The following MPP2 variants were observed in gnomAD, a reference collection of about 807,000 sequenced individuals.
MPP2 encodes the protein MAGUK p55 subfamily member 2.
In MPP2, 42 loss-of-function variants were observed where a neutral mutation model predicts 58.5. The ratio of observed to expected loss-of-function variants is 0.72; its 90% CI spans 0.56 to 0.93. MPP2 has a LOEUF of 0.93. Ranked by LOEUF, MPP2 falls within the 40% of genes least tolerant of loss-of-function variation. The pLI is 0.00. For missense variants in MPP2, 632 were observed against 760.4 expected, an observed-to-expected ratio of 0.83 and a Z score of 1.99; for synonymous variants, 300 against 307.8, an observed-to-expected ratio of 0.97 and a Z score of 0.26.
At chr17:43,891,027 T>C (rs1476765542) in intron 3 of MPP2, among the ~76,000 whole-genome samples, 3 of 152,182 alleles carry the variant, frequency 2.0e-5, no homozygotes, top group Non-Finnish European at 4.4e-5. Context: ...AGTGAACTGA[T>C]ACACTGGCCT....
intron 3 of MPP2, among the ~76,000 whole-genome samples, chr17:43,896,930 G>A (rs940860058): frequency 1.3e-5 from 2 of 151,942 alleles, no homozygotes; most frequent in African/African-American, 4.8e-5. Flanking sequence ...CCCCCCTCAG[G>A]AGAGGGGGCA....
Position 43,881,460 on chromosome 17 carries a change from G to GC in MPP2, c.810dup (p.Gln271AlafsTer62). On this transcript the variant is annotated frameshift_variant, in exon 7 of 13. Coordinates refer to ENST00000269095, the MANE Select transcript of MPP2 (RefSeq NM_005374.5). LOFTEE classifies it high-confidence loss of function. ...ATGCGGGGGTGCCCGCAGCTCACCTGCCACCAGTTGGCATCATCCTGGTTT... is the reference window on the plus strand; with the variant it reads ...ATGCGGGGGTGCCCGCAGCTCACCTGCCCACCAGTTGGCATCATCCTGGTTT... The GC allele has an allele frequency of 6.2e-7, 1 of 1,614,102 alleles. No homozygotes were observed. Among genetic ancestry groups the GC allele is most frequent in the Non-Finnish European group, 8.5e-7 (1 of 1,180,000 alleles).
chr17:43,894,436 T>TAC (rs2047741254), intron 3 of MPP2, among the ~76,000 whole-genome samples: 1 of 13,650 alleles, frequency 7.3e-5, no homozygotes, highest in Non-Finnish European at 1.5e-4. Flanking sequence ...TATATATATA[T>TAC]ATATATATAC....
In MPP2 at chr17:43,879,422, A is replaced by G. The variant is rs76243690; in HGVS notation, c.1354-19T>C. 15,529 of 1,613,664 alleles carry G rather than the reference A, an allele frequency of 9.6e-3. 413 individuals carry two copies. In the African/African-American group the frequency reaches 0.098, roughly 10 times the overall value. ...TCACCGCCTGCAGAAGGAGAAGGCA[A>G]GGTAGGGAGTATATCCCCATGTCTG... On this transcript the variant is annotated intron_variant, in intron 11 of 12. Transcript: ENST00000269095. The surrounding 1 kb of genome is among the most constrained non-coding windows in gnomAD (Gnocchi z 4.1).
chr17:43,884,375 G>GT lies in MPP2; in HGVS notation c.151-1021dup, dbSNP rs201181669. Among the ~76,000 whole-genome samples, 467 of 151,814 alleles carry GT rather than the reference G, an allele frequency of 3.1e-3. 2 individuals are homozygous for GT. Among genetic ancestry groups the GT allele is most frequent in the African/African-American group, 9.7e-3 (400 of 41,430 alleles). On this transcript the variant is annotated intron_variant, in intron 3 of 12. Coordinates refer to ENST00000269095, the MANE Select transcript of MPP2 (RefSeq NM_005374.5). ...AGACTTTCAGAACATTTGTTGTTTT[G>GT]TTTTTTTTGTTTCTGTTTTTGTTTT...
intron 6 of MPP2, 33 bp downstream of exon 6, chr17:43,882,251 T>A: frequency 6.4e-7 from 1 of 1,571,958 alleles, no homozygotes; most frequent in Admixed American, 1.7e-5. Flanking sequence ...GGCTCAGCCA[T>A]CCCTTGGGCC....
rs894863634 is a variant in MPP2 at position 43,900,666 on chromosome 17, G to C, written c.32-2286C>G. 4.9e-6 allele frequency: 7 copies of C among 1,418,528 alleles called. No individual in the cohort carries two copies. The African/African-American group carries it at 8.6e-5, about 18-fold the overall frequency. The allele number at this position is 1,418,528 out of a possible 1,614,324, so 87.9% of individuals were successfully genotyped here. A position where few individuals can be genotyped will look rare whatever the true frequency, so the allele number is the denominator to read the frequency against. ...GCGGGAGTCGAGGAGCGCCCTCTGA[G>C]GAACCAGCCAATGGGAAGGCTCAGC... On this transcript the variant is annotated intron_variant, in intron 2 of 12. Transcript: ENST00000269095.
chr17:43,877,610 G>T lies in MPP2; in HGVS notation c.*197C>A, dbSNP rs1446707996. On this transcript the variant is annotated 3_prime_UTR_variant, in exon 13 of 13. Coordinates refer to ENST00000269095, the MANE Select transcript of MPP2 (RefSeq NM_005374.5). Reference sequence around the variant, plus strand: ...GGAGTGGGCAGCACCTGGGCACAAGGTACCCCATGAATGCCCACCTCCCTG... The same window carrying T: ...GGAGTGGGCAGCACCTGGGCACAAGTTACCCCATGAATGCCCACCTCCCTG... 1 of 611,186 alleles carries T rather than the reference G, an allele frequency of 1.6e-6. No individual in the cohort carries two copies. Among genetic ancestry groups the T allele is most frequent in the Non-Finnish European group, 2.9e-6 (1 of 342,070 alleles). 37.9% of individuals were successfully genotyped at this position (611,186 alleles called of 1,614,324 possible). A position where few individuals can be genotyped will look rare whatever the true frequency, so the allele number is the denominator to read the frequency against.
chr17:43,888,434 A>C (rs1466884905), intron 3 of MPP2, among the ~76,000 whole-genome samples: 1 of 152,220 alleles, frequency 6.6e-6, no homozygotes, highest in East Asian at 1.9e-4. Context: ...GGAGCCCCAG[A>C]GTGAGGGAGG....
In MPP2 at chr17:43,879,710, G is replaced by C; in HGVS notation, c.1353+72C>G. ...GGCGTGTTCAGGTGACAGGTGTCTG[G>C]AACTATATGGGGGAGCAATGAGGCA... On this transcript the variant is annotated intron_variant, in intron 11 of 12. Transcript: ENST00000269095. The surrounding 1 kb of genome is among the most constrained non-coding windows in gnomAD (Gnocchi z 4.1). 1.3e-6 allele frequency: 2 copies of C among 1,542,866 alleles called. No individual in the cohort carries two copies. Among genetic ancestry groups the C allele is most frequent in the Non-Finnish European group, 1.8e-6 (2 of 1,128,598 alleles).
chr17:43,901,643 C>T lies in MPP2; in HGVS notation c.31+2787G>A, dbSNP rs2048101257. On this transcript the variant is annotated intron_variant, in intron 2 of 12. Coordinates refer to ENST00000269095, the MANE Select transcript of MPP2 (RefSeq NM_005374.5). ...GGGATGGAGGAGAGATTTAAAGGGA[C>T]AGCTCCACCTGAAAGCAGCCACATA... The T allele has an allele frequency of 6.3e-6, 6 of 951,188 alleles. No individual in the cohort carries two copies. In the South Asian group the frequency reaches 2.9e-4, roughly 46 times the overall value. 58.9% of individuals were successfully genotyped at this position (951,188 alleles called of 1,614,324 possible).
chr17:43,879,820 C>T lies in MPP2; in HGVS notation c.1315G>A (p.Ala439Thr), dbSNP rs374135897. 14 of 1,613,668 alleles carry T rather than the reference C, an allele frequency of 8.7e-6. No homozygotes were observed. The highest frequency in any genetic ancestry group is 2.7e-5 in the African/African-American group (2 of 74,826). Residue 439 changes from alanine (A) to threonine (T), a missense_variant, in exon 11 of 13, where the codon GCT (alanine) becomes ACT (threonine). Transcript: ENST00000269095. The surrounding 1 kb of genome is among the most constrained non-coding windows in gnomAD (Gnocchi z 4.1). ...TCCAGCACGCACACCTTCCCAGCAG[C>T]GACCACGCCCCGGATGGAGTCAATA... ...TRIDSIRGVV[A>T]AGKVCVLDVN...
chr17:43,907,120 G>A (rs538615690), intron 1 of MPP2: 2 of 964,788 alleles, frequency 2.1e-6, no homozygotes, highest in East Asian at 1.1e-4. Flanking sequence ...CTAACAGCAC[G>A]GTTCTTACGT....
intron 1 of MPP2, 118 bp downstream of exon 1, chr17:43,907,356 G>A (rs1442440248): frequency 1.4e-5 from 14 of 985,614 alleles, no homozygotes; most frequent in Non-Finnish European, 6.0e-6. Context: ...AACGGGCCTG[G>A]GTGAAAGGGG....
chr17:43,899,372 G>A (rs537169), intron 2 of MPP2, among the ~76,000 whole-genome samples: 121,574 of 151,932 alleles, frequency 0.8, 49,654 homozygotes, highest in East Asian at 1. Context: ...AGTACTCGGA[G>A]CAAGTCCGTG....
chr17:43,876,901 G>C lies in MPP2; in HGVS notation c.*906C>G, dbSNP rs2046865167. ...CAAGTGGGCTACCTGGACCTGGCTAGACAGAAAACCAAATGGACCAAGGTC... is the reference window on the plus strand; with the variant it reads ...CAAGTGGGCTACCTGGACCTGGCTACACAGAAAACCAAATGGACCAAGGTC... On this transcript the variant is annotated 3_prime_UTR_variant, in exon 13 of 13. Coordinates refer to ENST00000269095, the MANE Select transcript of MPP2 (RefSeq NM_005374.5). The C allele has an allele frequency of 6.6e-6, 1 of 152,584 alleles. No homozygotes were observed. Among genetic ancestry groups the C allele is most frequent in the African/African-American group, 2.4e-5 (1 of 41,474 alleles). 9.5% of individuals were successfully genotyped at this position (152,584 alleles called of 1,614,324 possible).
chr17:43,906,361 G>T (rs959282929), intron 1 of MPP2, among the ~76,000 whole-genome samples: 2 of 152,302 alleles, frequency 1.3e-5, no homozygotes, highest in South Asian at 4.2e-4. Context: ...AGCTAGCCTG[G>T]CTCCGTGCCA....
intron 2 of MPP2, chr17:43,900,381 G>A: frequency 1.4e-6 from 2 of 1,472,432 alleles, no homozygotes; most frequent in Admixed American, 4.3e-5. Context: ...ACCTCTCCCA[G>A]GCCACCCTCC....
At chr17:43,883,902 G>A (rs1012060604) in intron 3 of MPP2, among the ~76,000 whole-genome samples, 6 of 152,116 alleles carry the variant, frequency 3.9e-5, no homozygotes, top group South Asian at 4.1e-4. Flanking sequence ...TGCTGGCTCC[G>A]GGCTCCATAC....
Sources: allele counts gnomAD v4.1 joint callset (sites outside exome capture counted in the v4.1 genomes callset), GRCh38; gene constraint gnomAD v4.1.1; non-coding constraint Gnocchi (gnomAD v3.1); transcripts MANE v1.5; gene names NCBI Gene and HGNC (gene_info 2026-07-23, HGNC 2026-07-21).